The following XRCC3 variants were observed in gnomAD, a reference collection of about 807,000 sequenced individuals.
XRCC3 encodes DNA repair protein XRCC3.
Under a neutral mutation model 29.2 loss-of-function variants are expected in XRCC3, and 34 were observed. That is an observed-to-expected ratio of 1.16 (90% CI 0.88 to 1.55). XRCC3 has a LOEUF of 1.55. Ranked by LOEUF, XRCC3 falls within the 40% of genes most tolerant of loss-of-function variation. The pLI is 0.00. For missense variants in XRCC3, 463 were observed against 467.6 expected, an observed-to-expected ratio of 0.99 and a Z score of 0.09; for synonymous variants, 223 against 211.3, an observed-to-expected ratio of 1.06 and a Z score of -0.48.
In XRCC3 at chr14:103,703,317, G is replaced by A. The variant is rs1447637953; in HGVS notation, c.417C>T (p.Tyr139=). Residue 139 remains tyrosine, a synonymous_variant, in exon 7 of 10, where the codon TAC becomes TAT. Transcript: ENST00000555055. ...QHGGLEAGAV[Y]ICTEDAFPHK... ...GCGGGAAGGCGTCTTCCGTGCAGAT[G>A]TAGACGGCTCCTGGGAAGCAAGAGT... The A allele has an allele frequency of 1.3e-6, 2 of 1,551,186 alleles. No homozygotes were observed. Among genetic ancestry groups the A allele is most frequent in the Non-Finnish European group, 8.7e-7 (1 of 1,151,358 alleles).
In XRCC3 at chr14:103,697,864, G is replaced by A. The variant is rs927004485; in HGVS notation, c.*934C>T. 4 of 147,216 alleles carry A rather than the reference G, an allele frequency of 2.7e-5. No homozygotes were observed. The highest frequency in any genetic ancestry group is 1.1e-4 in the African/African-American group (4 of 36,912). The allele number at this position is 147,216 out of a possible 1,614,324, so 9.1% of individuals were successfully genotyped here. ...CACAGTGTGGGACTGGGTCTGCACAGTGTGGGACTGCAGGACAGGGTCCTG... is the reference window on the plus strand; with the variant it reads ...CACAGTGTGGGACTGGGTCTGCACAATGTGGGACTGCAGGACAGGGTCCTG... On this transcript the variant is annotated 3_prime_UTR_variant, in exon 10 of 10. Coordinates refer to ENST00000555055, the MANE Select transcript of XRCC3 (RefSeq NM_005432.4).
At position 103,698,942 on chromosome 14, in the gene XRCC3, G is replaced by T; in HGVS notation, c.897C>A (p.Asp299Glu). Residue 299 changes from aspartate (D) to glutamate (E), a missense_variant, in exon 10 of 10, where the codon GAC becomes GAA. By Grantham distance (45) the Asp-to-Glu change is conservative. Transcript: ENST00000555055. Reference sequence around the variant, plus strand: ...GGGCAGCCTCTTCCTCGCGGAGCCGGTCAGCCAGCAGTCTCACCAGGAGCT... The same window carrying T: ...GGGCAGCCTCTTCCTCGCGGAGCCGTTCAGCCAGCAGTCTCACCAGGAGCT... ...ANQLLVRLLA[D>E]RLREEEAALG... is the part of the protein sequence containing the mutation. The T allele has an allele frequency of 6.2e-7, 1 of 1,600,754 alleles. No homozygotes were observed.
rs574258303 is a variant in XRCC3, at chr14:103,707,166, G to A, written c.243C>T (p.Arg81=). 1 of 1,549,548 alleles carries A rather than the reference G, an allele frequency of 6.5e-7. No homozygotes were observed. Among genetic ancestry groups the A allele is most frequent in the East Asian group, 2.4e-5 (1 of 40,918 alleles). The change falls in exon 6 of 10, where the codon CGC becomes CGT. Residue 81 remains arginine (R), a synonymous_variant. Coordinates refer to ENST00000555055, the MANE Select transcript of XRCC3 (RefSeq NM_005432.4). ...QKERFPTQHQ[R]LSLGCPVLDA... The stretch of plus-strand genomic sequence containing the variant: ...CCAGCACCGGGCAGCCCAGGCTCAG[G>A]CGCTGGTGCTGCGTGGGGAACCGCT...
rs17101777 is a variant in XRCC3 at position 103,699,074 on chromosome 14, G to A, written c.822-57C>T. ...CAGGCTTGGTGGCCCCGCCCACTTC[G>A]GCCCAGCTGTGCCCCTGGCACCTGC... On this transcript the variant is annotated intron_variant, in intron 9 of 9. Coordinates refer to ENST00000555055, the MANE Select transcript of XRCC3 (RefSeq NM_005432.4). The A allele has an allele frequency of 6.5e-3, 10,177 of 1,563,360 alleles. 36 individuals are homozygous for A. The highest frequency in any genetic ancestry group is 8.4e-3 in the Non-Finnish European group (9,650 of 1,153,750).
intron 4 of XRCC3, 50 bp from the exon 5 acceptor site, chr14:103,708,709 A>G (rs762964250): frequency 3.0e-5 from 49 of 1,611,754 alleles, no homozygotes; most frequent in Non-Finnish European, 3.6e-5. Context: ...GTCACAACGC[A>G]GGGCAACACA....
chr14:103,703,440 T>C, intron 6 of XRCC3, 113 bp from the exon 7 acceptor site: 2 of 1,292,608 alleles, frequency 1.5e-6, no homozygotes, highest in Non-Finnish European at 2.2e-6. Context: ...CCCTCACAGG[T>C]TCTTTGCCCC....
intron 7 of XRCC3, chr14:103,699,798 C>T (rs1003880555): frequency 1.0e-5 from 6 of 596,032 alleles, no homozygotes; most frequent in African/African-American, 1.8e-5. Flanking sequence ...GTTCCCTTGG[C>T]CCCATGTCCT....
At chr14:103,703,563 C>A in intron 6 of XRCC3, 1 of 559,548 alleles carries the variant, frequency 1.8e-6, no homozygotes, top group Non-Finnish European at 3.2e-6. Context: ...CTTCTGACAC[C>A]CAGGCAAGGA....
Position 103,711,253 on chromosome 14 carries a change from T to G in XRCC3, c.-158-8A>C, listed in dbSNP as rs2083615844. The G allele has an allele frequency of 1.4e-6, 1 of 725,890 alleles. No homozygotes were observed. The highest frequency in any genetic ancestry group is 2.5e-6 in the Non-Finnish European group (1 of 406,618). 45.0% of individuals were successfully genotyped at this position (725,890 alleles called of 1,614,324 possible). Reference sequence around the variant, plus strand: ...GTCATCGGGGCTCTGTCACTGAGGGTGGAGGAGACTTCACTGTAGAGGGAA... The same window carrying G: ...GTCATCGGGGCTCTGTCACTGAGGGGGGAGGAGACTTCACTGTAGAGGGAA... On this transcript the variant is annotated splice_region_variant and splice_polypyrimidine_tract_variant and intron_variant, in intron 3 of 9. Coordinates refer to ENST00000555055, the MANE Select transcript of XRCC3 (RefSeq NM_005432.4).
At chr14:103,706,824 A>C (rs1212541657) in intron 6 of XRCC3, 179 bp downstream of exon 6, 1 of 762,638 alleles carries the variant, frequency 1.3e-6, no homozygotes, top group Non-Finnish European at 2.2e-6. Flanking sequence ...AGCTGAGCCC[A>C]GCCTCACTTC....
intron 7 of XRCC3, chr14:103,700,338 C>T (rs538475182): frequency 9.5e-5 from 30 of 315,476 alleles, no homozygotes; most frequent in East Asian, 5.7e-4. Flanking sequence ...CAGGTGTCCT[C>T]GGCCTCCCTC....
intron 7 of XRCC3, 129 bp downstream of exon 7, chr14:103,703,044 C>T: frequency 7.1e-7 from 1 of 1,402,318 alleles, no homozygotes; most frequent in Non-Finnish European, 9.7e-7. Flanking sequence ...ATGACCCATG[C>T]TGTGTTCAGA....
rs1247876469 is a variant in XRCC3 at position 103,699,170 on chromosome 14, CCT to C, written c.782_783del (p.Glu261GlyfsTer29). 6.4e-7 allele frequency: 1 copy of C among 1,565,594 alleles called. No homozygotes were observed. The highest frequency in any genetic ancestry group is 8.6e-7 in the Non-Finnish European group (1 of 1,158,744). On this transcript the variant is annotated frameshift_variant, in exon 9 of 10. Transcript: ENST00000555055. LOFTEE classifies it low-confidence loss of function (END_TRUNC). ...SPVLCINQVT[E>X]AMEEQGAAHG... is the part of the protein sequence containing the mutation. The stretch of plus-strand genomic sequence containing the variant: ...TGTGCTGCGCCCTGCTCCTCCATGG[CCT>C]CTGTCACCTGGAAGAGCACAGTCCA...
In XRCC3 at chr14:103,699,192, A is replaced by G. The variant is rs2082873142; in HGVS notation, c.775-13T>C. 2 of 1,556,884 alleles carry G rather than the reference A, an allele frequency of 1.3e-6. No homozygotes were observed. The highest frequency in any genetic ancestry group is 1.2e-5 in the South Asian group (1 of 85,856). On this transcript the variant is annotated splice_polypyrimidine_tract_variant and intron_variant, in intron 8 of 9. Coordinates refer to ENST00000555055, the MANE Select transcript of XRCC3 (RefSeq NM_005432.4). ...TGGCCTCTGTCACCTGGAAGAGCACAGTCCAGGTCAGCTGCAACGGCTGAG... is the reference window on the plus strand; with the variant it reads ...TGGCCTCTGTCACCTGGAAGAGCACGGTCCAGGTCAGCTGCAACGGCTGAG...
chr14:103,700,626 A>C, intron 7 of XRCC3: 1 of 1,588,802 alleles, frequency 6.3e-7, no homozygotes, highest in Middle Eastern at 1.8e-4. Context: ...GCACGCCCTG[A>C]GTGAAACTCG....
chr14:103,699,217 G>T, intron 8 of XRCC3, 38 bp from the exon 9 acceptor site: 1 of 1,546,168 alleles, frequency 6.5e-7, no homozygotes, highest in East Asian at 2.4e-5. Flanking sequence ...CAACGGCTGA[G>T]GGTCTTCTCG....
At chr14:103,702,995 C>T in intron 7 of XRCC3, 178 bp downstream of exon 7, 1 of 941,560 alleles carries the variant, frequency 1.1e-6, no homozygotes, top group Non-Finnish European at 1.6e-6. Context: ...AGTCACTCTC[C>T]ATCCTCTGAC....
chr14:103,710,951 G>T, intron 4 of XRCC3, 82 bp downstream of exon 4: 1 of 1,438,568 alleles, frequency 7.0e-7, no homozygotes. Flanking sequence ...GGAAGGCTTA[G>T]CCAGCCAGCG....
At chr14:103,709,063 A>G (rs1165712093) in intron 4 of XRCC3, 1 of 348,592 alleles carries the variant, frequency 2.9e-6, no homozygotes, top group Non-Finnish European at 5.6e-6. Context: ...CGAGCTTTCC[A>G]CCACCCGCCC....
Sources: gnomAD v4.1 joint callset for allele counts on GRCh38, gnomAD v4.1.1 for gene constraint, MANE v1.5 for transcripts, NCBI Gene and HGNC (gene_info 2026-07-23, HGNC 2026-07-21) for gene names.